Variants in NBAS observed in about 807,000 individuals in gnomAD.
NBAS encodes the protein NAG/BC035112 fusion.
In NBAS, 219 loss-of-function variants were observed where a neutral mutation model predicts 302.5. The ratio of observed to expected loss-of-function variants is 0.72; its 90% CI spans 0.65 to 0.81. NBAS has a LOEUF of 0.81. Among genes scored for constraint, NBAS ranks in the 30% least tolerant of loss-of-function variants. The probability of loss-of-function intolerance (pLI) is 0.00; values close to 1 mark genes in which losing one functional copy is unlikely to be tolerated. For missense variants in NBAS, 2,932 were observed against 2,841.6 expected, an observed-to-expected ratio of 1.03 and a Z score of -0.72; for synonymous variants, 1,118 against 1,021.6, an observed-to-expected ratio of 1.09 and a Z score of -1.80.
intron 5 of NBAS, 93 bp from the exon 6 acceptor site, chr2:15,551,629 T>C (rs1664389482): frequency 3.5e-6 from 3 of 851,026 alleles, no homozygotes; most frequent in East Asian, 5.3e-5. Context: ...AGCCTCTATA[T>C]ACAATGCTCA....
chr2:14,820,433 G>A, the NBAS span, among the ~76,000 whole-genome samples: 1 of 152,126 alleles, frequency 6.6e-6, no homozygotes, highest in Non-Finnish European at 1.5e-5. Flanking sequence ...AACATCACAT[G>A]TTCTCACTTA....
intron 44 of NBAS, among the ~76,000 whole-genome samples, chr2:15,255,129 A>C (rs899300959): frequency 6.6e-6 from 1 of 152,226 alleles, no homozygotes; most frequent in African/African-American, 2.4e-5. Context: ...TAGTTCTTTA[A>C]GGAATCTCCA....
At chr2:15,489,305 A>T (rs1680759661) in intron 11 of NBAS, among the ~76,000 whole-genome samples, 2 of 152,168 alleles carry the variant, frequency 1.3e-5, no homozygotes, top group African/African-American at 4.8e-5. Context: ...TTATAAATAT[A>T]TTTCTTCACA....
At chr2:14,821,130 AT>A in the NBAS span, among the ~76,000 whole-genome samples, 1 of 151,926 alleles carries the variant, frequency 6.6e-6, no homozygotes, top group East Asian at 1.9e-4. Flanking sequence ...GTTTCACCGT[AT>A]TAGCCAGAAT....
chr2:15,125,111 G>T, the NBAS span, among the ~76,000 whole-genome samples: 1 of 152,184 alleles, frequency 6.6e-6, no homozygotes, highest in South Asian at 2.1e-4. Context: ...CAGCTACATG[G>T]GCTATATACT....
At chr2:15,139,616 T>C in the NBAS span, among the ~76,000 whole-genome samples, 2 of 152,044 alleles carry the variant, frequency 1.3e-5, no homozygotes, top group African/African-American at 4.8e-5. Flanking sequence ...AGCCAGAAAA[T>C]CCTGCTTCCT....
At chr2:15,087,513 A>G in the NBAS span, among the ~76,000 whole-genome samples, 4 of 152,372 alleles carry the variant, frequency 2.6e-5, no homozygotes, top group Admixed American at 1.3e-4. Context: ...AGGAAGATAA[A>G]GTGGCCAGCC....
Position 15,167,067 on chromosome 2 carries a change from G to T in NBAS, c.7097C>A (p.Ala2366Glu). 6.3e-7 allele frequency: 1 copy of T among 1,594,694 alleles called. No homozygotes were observed. Among genetic ancestry groups the T allele is most frequent in the Non-Finnish European group, 8.6e-7 (1 of 1,168,652 alleles). Residue 2366 changes from alanine to glutamate, a missense_variant, in exon 52 of 52, where the codon GCA (alanine) becomes GAA (glutamate). Coordinates refer to ENST00000281513, the MANE Select transcript of NBAS (RefSeq NM_015909.4). ...TGGCCCTCACACCCAGTGCTGTGCT[G>T]CGCGGAGGGCTGTACTGAAGGTTCT... ...AFRTFSTALR[A>E]AQHWV
In NBAS at chr2:15,475,890, G is replaced by A. The variant is rs770661426; in HGVS notation, c.1148-10C>T. Reference sequence around the variant, plus strand: ...TAAAAGGACTCTTTATCTAAGAAGCGAAAAACAAATCAATACAAATGCATC... The same window carrying A: ...TAAAAGGACTCTTTATCTAAGAAGCAAAAAACAAATCAATACAAATGCATC... On this transcript the variant is annotated splice_polypyrimidine_tract_variant and intron_variant, in intron 13 of 51. Coordinates refer to ENST00000281513, the MANE Select transcript of NBAS (RefSeq NM_015909.4). 5 of 1,602,142 alleles carry A rather than the reference G, an allele frequency of 3.1e-6. No individual in the cohort carries two copies. Among genetic ancestry groups the A allele is most frequent in the African/African-American group, 2.7e-5 (2 of 74,638 alleles).
At chr2:15,034,093 G>C in the NBAS span, among the ~76,000 whole-genome samples, 2 of 146,422 alleles carry the variant, frequency 1.4e-5, no homozygotes, top group Non-Finnish European at 3.0e-5. Context: ...AGAAGAAGAG[G>C]AGGAGGAGAA....
the NBAS span, among the ~76,000 whole-genome samples, chr2:15,101,911 A>G: frequency 6.6e-6 from 1 of 152,214 alleles, no homozygotes; most frequent in African/African-American, 2.4e-5. Context: ...TGGAGATCAT[A>G]AGGGCAGATC....
intron 51 of NBAS, among the ~76,000 whole-genome samples, chr2:15,172,427 G>A (rs1259525186): frequency 6.6e-6 from 1 of 151,864 alleles, no homozygotes; most frequent in Non-Finnish European, 1.5e-5. Context: ...CTAACCTATT[G>A]TTTACAGTTC....
chr2:14,847,762 C>T, the NBAS span, among the ~76,000 whole-genome samples: 2 of 152,206 alleles, frequency 1.3e-5, no homozygotes, highest in African/African-American at 2.4e-5. Context: ...CTGACTTAAT[C>T]TGCACTATAC....
the NBAS span, among the ~76,000 whole-genome samples, chr2:14,790,292 C>A: frequency 6.6e-6 from 1 of 152,312 alleles, no homozygotes; most frequent in African/African-American, 2.4e-5. Flanking sequence ...TTTGTACCAG[C>A]TGTTCTCTAG....
chr2:15,217,078 C>T (rs186184085), intron 48 of NBAS, among the ~76,000 whole-genome samples: 2 of 152,334 alleles, frequency 1.3e-5, no homozygotes, highest in East Asian at 1.9e-4. Flanking sequence ...ACATCTCTAA[C>T]TTCTATGCCC....
chr2:15,443,691 T>C (rs1184658537), intron 21 of NBAS, among the ~76,000 whole-genome samples: 1 of 150,588 alleles, frequency 6.6e-6, no homozygotes, highest in African/African-American at 2.5e-5. Context: ...GGTATTCAAT[T>C]AGGAAAAGAG....
At chr2:15,509,517 T>C (rs1170169623) in intron 10 of NBAS, among the ~76,000 whole-genome samples, 1 of 152,236 alleles carries the variant, frequency 6.6e-6, no homozygotes, top group African/African-American at 2.4e-5. Flanking sequence ...AAGAAACTAC[T>C]ACTTTGTTGG....
chr2:15,067,853 T>C, the NBAS span, among the ~76,000 whole-genome samples: 12 of 152,162 alleles, frequency 7.9e-5, no homozygotes, highest in East Asian at 2.3e-3. Context: ...AATATAAATA[T>C]GTAAGTAAAA....
chr2:14,845,924 C>T, the NBAS span, among the ~76,000 whole-genome samples: 1 of 151,564 alleles, frequency 6.6e-6, no homozygotes, highest in Admixed American at 6.6e-5. Flanking sequence ...AAAAAAATAG[C>T]CTCAAATGGC....
Sources: allele counts gnomAD v4.1 joint callset (sites outside exome capture counted in the v4.1 genomes callset), GRCh38; gene constraint gnomAD v4.1.1; transcripts MANE v1.5; gene names NCBI Gene and HGNC (gene_info 2026-07-23, HGNC 2026-07-21).